Variants in AKAP6 observed in about 807,000 individuals in gnomAD.
AKAP6 encodes the protein A-kinase anchoring protein 6.
In AKAP6, 58 loss-of-function variants were observed where a neutral mutation model predicts 188.5. The ratio of observed to expected loss-of-function variants is 0.31; its 90% CI spans 0.25 to 0.38. The LOEUF is 0.38. Ranked by LOEUF, AKAP6 falls within the 10% of genes least tolerant of loss-of-function variation. The probability of loss-of-function intolerance (pLI) is 1.00; values close to 1 mark genes in which losing one functional copy is unlikely to be tolerated. For synonymous variants in AKAP6, 989 were observed against 998.6 expected, an observed-to-expected ratio of 0.99 and a Z score of 0.18; for missense variants, 2,710 against 2,740.0, an observed-to-expected ratio of 0.99 and a Z score of 0.24.
chr14:32,571,445 C>G (rs1884483242), intron 4 of AKAP6, among the ~76,000 whole-genome samples: 2 of 152,066 alleles, frequency 1.3e-5, no homozygotes, highest in Admixed American at 6.5e-5. Flanking sequence ...CAGGAGAATT[C>G]CTTGAGCTCA....
intron 7 of AKAP6, among the ~76,000 whole-genome samples, chr14:32,666,282 G>A (rs1888930512): frequency 6.6e-6 from 1 of 151,830 alleles, no homozygotes; most frequent in South Asian, 2.1e-4. Context: ...TCACATCTCA[G>A]TATAATATCT....
At chr14:32,579,567 C>T (rs1700811756) in intron 5 of AKAP6, among the ~76,000 whole-genome samples, 1 of 152,108 alleles carries the variant, frequency 6.6e-6, no homozygotes, top group African/African-American at 2.4e-5. Flanking sequence ...TGTATTGCCA[C>T]TGAATGATAT....
intron 12 of AKAP6, among the ~76,000 whole-genome samples, chr14:32,811,095 C>T (rs913899361): frequency 2.0e-5 from 3 of 151,788 alleles, no homozygotes; most frequent in South Asian, 2.1e-4. Context: ...AAAAATTAGC[C>T]GGGCATGGTG....
At position 32,627,061 on chromosome 14, in the gene AKAP6, T is replaced by TA. The variant is rs557771662; in HGVS notation, c.2730+26270dup. ...TAGATATAAACATACCTGACACACTTATAGAAGAAGAGATTATATATTTCC... is the reference window on the plus strand; with the variant it reads ...TAGATATAAACATACCTGACACACTTAATAGAAGAAGAGATTATATATTTCC... On this transcript the variant is annotated intron_variant, in intron 7 of 13. Coordinates refer to ENST00000280979, the MANE Select transcript of AKAP6 (RefSeq NM_004274.5). Among the ~76,000 whole-genome samples, 8 of 152,234 alleles carry TA rather than the reference T, an allele frequency of 5.3e-5. No homozygotes were observed. In the East Asian group the frequency reaches 1.5e-3, roughly 29 times the overall value.
intron 1 of AKAP6, among the ~76,000 whole-genome samples, chr14:32,345,700 G>A (rs1594523094): frequency 1.3e-5 from 2 of 152,202 alleles, no homozygotes; most frequent in African/African-American, 2.4e-5. Flanking sequence ...ATGAGGAAGT[G>A]TCCTGTCTCA....
At chr14:32,737,581 C>A (rs559430307) in intron 11 of AKAP6, among the ~76,000 whole-genome samples, 1 of 152,178 alleles carries the variant, frequency 6.6e-6, no homozygotes, top group African/African-American at 2.4e-5. Flanking sequence ...GACTGAAGAA[C>A]CTTTTTACAT....
chr14:32,662,738 T>C (rs561018793), intron 7 of AKAP6, among the ~76,000 whole-genome samples: 2 of 152,258 alleles, frequency 1.3e-5, no homozygotes, highest in South Asian at 4.1e-4. Context: ...TGTAGGATAA[T>C]GCTTGGGCAT....
At chr14:32,347,642 G>T (rs891965446) in intron 1 of AKAP6, among the ~76,000 whole-genome samples, 4 of 152,298 alleles carry the variant, frequency 2.6e-5, no homozygotes, top group South Asian at 2.1e-4. Flanking sequence ...TGTGAGTGGG[G>T]ATAAGACACT....
chr14:32,602,762 G>A (rs1051687451), intron 7 of AKAP6, among the ~76,000 whole-genome samples: 2 of 152,078 alleles, frequency 1.3e-5, no homozygotes, highest in Middle Eastern at 3.2e-3. Context: ...TTTAATCCCC[G>A]ATGGAGAAAA....
At chr14:32,653,228 T>G (rs954744669) in intron 7 of AKAP6, among the ~76,000 whole-genome samples, 3 of 152,180 alleles carry the variant, frequency 2.0e-5, no homozygotes, top group African/African-American at 7.2e-5. Context: ...CCATTTTTTC[T>G]CCTTTCCCTT....
intron 2 of AKAP6, among the ~76,000 whole-genome samples, chr14:32,460,303 A>T (rs573725520): frequency 6.6e-6 from 1 of 152,320 alleles, no homozygotes; most frequent in African/African-American, 2.4e-5. Context: ...ATTAAAAGAG[A>T]TATAAGAGAT....
rs141186686 is a variant in AKAP6 at position 32,487,732 on chromosome 14, G to A, written c.325-47822G>A. 5.4e-3 allele frequency among the ~76,000 whole-genome samples: 820 copies of A among 152,312 alleles called. 11 individuals are homozygous for A. The highest frequency in any genetic ancestry group is 0.019 in the African/African-American group (777 of 41,568). ...GAACTTCGGATGGGGTTTCTGTGTG[G>A]TCATCCTTTTAGTTGATGTTGATGC... On this transcript the variant is annotated intron_variant, in intron 2 of 13. Coordinates refer to ENST00000280979, the MANE Select transcript of AKAP6 (RefSeq NM_004274.5).
At chr14:32,476,914 T>C (rs934496606) in intron 2 of AKAP6, among the ~76,000 whole-genome samples, 1 of 152,132 alleles carries the variant, frequency 6.6e-6, no homozygotes, top group African/African-American at 2.4e-5. Context: ...GGTTATACAT[T>C]GGTTTGGCCT....
chr14:32,656,410 A>T (rs1432696648), intron 7 of AKAP6, among the ~76,000 whole-genome samples: 1 of 152,160 alleles, frequency 6.6e-6, no homozygotes, highest in African/African-American at 2.4e-5. Flanking sequence ...TATGAGAAAT[A>T]GAAGACAGTG....
At chr14:32,510,450 ACATATATAT>A (rs1881180650) in intron 2 of AKAP6, among the ~76,000 whole-genome samples, 1 of 22,374 alleles carries the variant, frequency 4.5e-5, no homozygotes, top group Non-Finnish European at 9.7e-5. Context: ...ATATATATAT[ACATATATAT>A]GTGTATATAT....
intron 2 of AKAP6, among the ~76,000 whole-genome samples, chr14:32,463,037 A>T (rs906514022): frequency 6.6e-6 from 1 of 151,978 alleles, no homozygotes; most frequent in South Asian, 2.1e-4. Flanking sequence ...GATCAATGCA[A>T]GAAGAAGAGG....
chr14:32,696,009 G>C lies in AKAP6; in HGVS notation c.2899G>C (p.Glu967Gln), dbSNP rs760023550. 2 of 1,613,006 alleles carry C rather than the reference G, an allele frequency of 1.2e-6. No homozygotes were observed. The highest frequency in any genetic ancestry group is 3.3e-5 in the Admixed American group (2 of 59,806). Residue 967 changes from glutamate to glutamine, a missense_variant, in exon 9 of 14, where the codon GAA becomes CAA. Coordinates refer to ENST00000280979, the MANE Select transcript of AKAP6 (RefSeq NM_004274.5). ...CTTCAGGCTTCTGGACTTTGATTCA[G>C]AATATCAGGAGCTCTGGGATTGGCT... ...GSNGLLDFDS[E>Q]YQELWDWLID...
chr14:32,732,787 T>G (rs897545827), intron 10 of AKAP6, 187 bp downstream of exon 10: 2 of 702,836 alleles, frequency 2.8e-6, no homozygotes, highest in Admixed American at 5.9e-5. Context: ...TTTTTTTTTT[T>G]TCTGAGCTTG....
chr14:32,428,162 TG>T (rs1890095717), intron 1 of AKAP6, among the ~76,000 whole-genome samples: 2 of 152,294 alleles, frequency 1.3e-5, no homozygotes, highest in South Asian at 4.1e-4. Context: ...TTAAGATTGC[TG>T]GGGTTTTTGA....
Sources: allele counts gnomAD v4.1 joint callset (sites outside exome capture counted in the v4.1 genomes callset), GRCh38; gene constraint gnomAD v4.1.1; transcripts MANE v1.5; gene names NCBI Gene and HGNC (gene_info 2026-07-23, HGNC 2026-07-21).